NAA25: variants seen among roughly 807,000 people sequenced by gnomAD.
NAA25 encodes N-terminal acetyltransferase B complex subunit NAA25.
Under a neutral mutation model 132.5 loss-of-function variants are expected in NAA25, and 30 were observed. That is an observed-to-expected ratio of 0.23 (90% CI 0.17 to 0.31). NAA25 has a LOEUF of 0.31. Among genes scored for constraint, NAA25 ranks in the 10% least tolerant of loss-of-function variants. The pLI is 1.00. For synonymous variants in NAA25, 359 were observed against 401.9 expected, an observed-to-expected ratio of 0.89 and a Z score of 1.28; for missense variants, 771 against 1,150.4, an observed-to-expected ratio of 0.67 and a Z score of 4.77.
chr12:112,071,670 G>A (rs2078810700), intron 10 of NAA25, among the ~76,000 whole-genome samples: 1 of 152,128 alleles, frequency 6.6e-6, no homozygotes, highest in South Asian at 2.1e-4. Flanking sequence ...CAGAATGCCT[G>A]ACAAAGACTC....
rs757289651 is a variant in NAA25, at chr12:112,061,244, T to C, written c.1294A>G (p.Lys432Glu). Residue 432 changes from lysine (K) to glutamate (E), a missense_variant, in exon 12 of 24, where the codon AAA (lysine) becomes GAA (glutamate). Physicochemically the swap from Lys to Glu is moderately conservative, Grantham distance 56. Around this residue, in one of 3 missense-constraint regions of NAA25, gnomAD observed 417 missense variants for 733.8 expected, o/e 0.57. Coordinates refer to ENST00000261745, the MANE Select transcript of NAA25 (RefSeq NM_024953.4). ...CTGACCACACTCAATTTCTGATTTT[T>C]ATCCATGGTGTGGTACAAGCCAAGT... The part of the protein sequence containing the change: ...RLLGLYHTMD[K>E]NQKLSVVREL... 1.1e-5 allele frequency: 17 copies of C among 1,614,152 alleles called. No individual in the cohort carries two copies. The highest frequency in any genetic ancestry group is 1.7e-5 in the Admixed American group (1 of 60,018).
intron 22 of NAA25, chr12:112,037,474 CA>C (rs1410220532): frequency 2.5e-4 from 37 of 147,202 alleles, no homozygotes; most frequent in African/African-American, 8.5e-4. Flanking sequence ...GCTGAACTAA[CA>C]ATGAATGCTA....
At chr12:112,106,050 G>A (rs1169759998) in intron 1 of NAA25, among the ~76,000 whole-genome samples, 1 of 152,210 alleles carries the variant, frequency 6.6e-6, no homozygotes, top group East Asian at 1.9e-4. Context: ...GAGTTCAAAA[G>A]TCAAATGTGC....
intron 1 of NAA25, among the ~76,000 whole-genome samples, chr12:112,104,842 A>C (rs574001803): frequency 1.1e-4 from 17 of 151,262 alleles, no homozygotes; most frequent in South Asian, 8.3e-4. Context: ...TCTCAAAAAA[A>C]AAAACAAAAC....
At chr12:112,055,983 T>C (rs918657542) in intron 13 of NAA25, among the ~76,000 whole-genome samples, 1 of 152,104 alleles carries the variant, frequency 6.6e-6, no homozygotes, top group African/African-American at 2.4e-5. Flanking sequence ...GGAGATGGCT[T>C]GAGCCCAGGA....
intron 1 of NAA25, among the ~76,000 whole-genome samples, chr12:112,101,145 C>T (rs1008633112): frequency 1.3e-5 from 2 of 152,176 alleles, no homozygotes; most frequent in Non-Finnish European, 2.9e-5. Context: ...CAAAGTAAAA[C>T]ATCATTTCCA....
intron 13 of NAA25, among the ~76,000 whole-genome samples, chr12:112,059,066 T>A (rs1306955612): frequency 1.1e-5 from 1 of 90,410 alleles, no homozygotes; most frequent in Non-Finnish European, 2.0e-5. Context: ...AGAGCGAGAC[T>A]CCATCTCACA....
intron 17 of NAA25, 69 bp from the exon 18 acceptor site, chr12:112,043,937 T>G: frequency 6.5e-7 from 1 of 1,527,884 alleles, no homozygotes; most frequent in Non-Finnish European, 8.8e-7. Flanking sequence ...AATTTTTTTT[T>G]TTTTTTTTGA....
intron 17 of NAA25, among the ~76,000 whole-genome samples, chr12:112,045,555 G>A (rs2078369259): frequency 6.6e-6 from 1 of 151,424 alleles, no homozygotes; most frequent in East Asian, 1.9e-4. Context: ...AGCACTTTGA[G>A]TGGCCCAGAT....
At chr12:112,044,072 C>A (rs1001571990) in intron 17 of NAA25, among the ~76,000 whole-genome samples, 14 of 151,936 alleles carry the variant, frequency 9.2e-5, no homozygotes, top group African/African-American at 3.4e-4. Flanking sequence ...GGCCTACAGG[C>A]GCCTGCCACC....
chr12:112,036,915 G>A (rs1041813419), intron 22 of NAA25, among the ~76,000 whole-genome samples: 3 of 150,650 alleles, frequency 2.0e-5, no homozygotes, highest in Non-Finnish European at 4.4e-5. Flanking sequence ...GCATAAAAAC[G>A]CTGTCTAGTT....
Position 112,042,034 on chromosome 12 carries a change from C to G in NAA25, c.2440+5G>C. ...AATACAGGAATCTACAGTAGGAAAA[C>G]TTACCTTTTAACTGGTCTAGTAAAG... On this transcript the variant is annotated splice_donor_5th_base_variant and intron_variant, in intron 20 of 23. Coordinates refer to ENST00000261745, the MANE Select transcript of NAA25 (RefSeq NM_024953.4). 6.8e-7 allele frequency: 1 copy of G among 1,461,534 alleles called. No individual in the cohort carries two copies. The highest frequency in any genetic ancestry group is 2.7e-5 in the East Asian group (1 of 37,556). The allele number at this position is 1,461,534 out of a possible 1,614,324, so 90.5% of individuals were successfully genotyped here. A position where few individuals can be genotyped will look rare whatever the true frequency, so the allele number is the denominator to read the frequency against.
intron 10 of NAA25, among the ~76,000 whole-genome samples, chr12:112,070,600 C>T (rs1320308801): frequency 6.6e-6 from 1 of 152,046 alleles, no homozygotes. Context: ...GCGACAGAGT[C>T]TCGCTGTGTC....
intron 5 of NAA25, among the ~76,000 whole-genome samples, chr12:112,079,486 T>C (rs1313776719): frequency 6.6e-6 from 1 of 151,976 alleles, no homozygotes; most frequent in Non-Finnish European, 1.5e-5. Context: ...TCCTAGCTAC[T>C]TGGGAGGCTG....
In NAA25 at chr12:112,029,629, C is replaced by G; in HGVS notation, c.2821G>C (p.Val941Leu). 1 of 1,613,660 alleles carries G rather than the reference C, an allele frequency of 6.2e-7. No homozygotes were observed. The highest frequency in any genetic ancestry group is 8.5e-7 in the Non-Finnish European group (1 of 1,179,890). ...SPEERKFSKT[V>L]QGKVQSSYLH... ...TAACTGCTCTGCACCTTCCCTTGCA[C>G]AGTCTTTGAAAATTTTCTCTCTTCC... Residue 941 changes from valine to leucine, a missense_variant, in exon 24 of 24, where the codon GTG (valine) becomes CTG (leucine). This residue lies in a region of NAA25 where 324 missense variants were observed against 400.0 expected (regional missense o/e 0.81). Transcript: ENST00000261745.
intron 1 of NAA25, 53 bp from the exon 2 acceptor site, chr12:112,093,189 T>C (rs1298727213): frequency 3.7e-6 from 4 of 1,095,520 alleles, no homozygotes; most frequent in South Asian, 1.3e-5. Flanking sequence ...ATAACAAATA[T>C]AAAAAATGCA....
chr12:112,030,877 T>A (rs1481865509), intron 23 of NAA25, among the ~76,000 whole-genome samples: 1 of 152,208 alleles, frequency 6.6e-6, no homozygotes, highest in Non-Finnish European at 1.5e-5. Context: ...TGCAGCTGTT[T>A]AATGAACAAG....
chr12:112,054,911 A>G (rs1157013995), intron 13 of NAA25, among the ~76,000 whole-genome samples: 1 of 152,234 alleles, frequency 6.6e-6, no homozygotes, highest in Non-Finnish European at 1.5e-5. Flanking sequence ...TTGCCCCTGC[A>G]GGATTTCCTC....
chr12:112,084,564 GCGGACCATGAGGTCAA>G (rs1449534625), intron 4 of NAA25, among the ~76,000 whole-genome samples: 1 of 152,118 alleles, frequency 6.6e-6, no homozygotes. Flanking sequence ...GCCAAGGTGG[GCGGACCATGAGGTCAA>G]GAGATCGAGA....
Sources: allele counts gnomAD v4.1 joint callset (sites outside exome capture counted in the v4.1 genomes callset), GRCh38; gene constraint gnomAD v4.1.1; regional missense constraint gnomAD v4.1.1; transcripts MANE v1.5; gene names NCBI Gene and HGNC (gene_info 2026-07-23, HGNC 2026-07-21).